LRFN5: variants seen among roughly 807,000 people sequenced by gnomAD.
The protein encoded by LRFN5 is leucine-rich repeat and fibronectin type-III domain-containing protein 5.
Under a neutral mutation model 45.6 loss-of-function variants are expected in LRFN5, and 24 were observed. The ratio of observed to expected loss-of-function variants is 0.53; its 90% CI spans 0.38 to 0.74. The LOEUF (loss-of-function observed/expected upper bound fraction) is 0.74, where lower values mean the gene tolerates loss of function less well. Ranked by LOEUF, LRFN5 falls within the 30% of genes least tolerant of loss-of-function variation. The probability of loss-of-function intolerance (pLI) is 0.00; values close to 1 mark genes in which losing one functional copy is unlikely to be tolerated. For missense variants in LRFN5, 776 were observed against 861.5 expected (o/e 0.90, Z 1.24); for synonymous variants, 340 against 313.8 (o/e 1.08, Z -0.88).
rs914212982 is a variant in LRFN5, at chr14:41,671,617, G to GTTTTTTTTTTTTTTTTTTTTTTTTT, written c.-197+63075_-197+63076insTTTTTTTTTTTTTTTTTTTTTTTTT. On this transcript the variant is annotated intron_variant, in intron 1 of 5. Transcript: ENST00000298119. The stretch of plus-strand genomic sequence containing the variant: ...TGTGGAGGAGAGATTTTTTTTTTTC[G>GTTTTTTTTTTTTTTTTTTTTTTTTT]TTTTTTTTTTTTTTTTTTTTACGGA... 9.7e-4 allele frequency among the ~76,000 whole-genome samples: 76 copies of GTTTTTTTTTTTTTTTTTTTTTTTTT among 78,018 alleles called. 9 individuals carry two copies. The highest frequency in any genetic ancestry group is 1.3e-3 in the East Asian group (3 of 2,292). The allele number at this position is 78,018 out of a possible 152,430, so 51.2% of individuals were successfully genotyped here. A position where few individuals can be genotyped will look rare whatever the true frequency, so the allele number is the denominator to read the frequency against.
In LRFN5 at chr14:41,727,605, G is replaced by A. The variant is rs142386448; in HGVS notation, c.-196-39249G>A. ...TCTGCCACTTCACTCCAACATAGAC[G>A]AAAGAGTGAGACCCTGTCTCTAAAA... On this transcript the variant is annotated intron_variant, in intron 1 of 5. Coordinates refer to ENST00000298119, the MANE Select transcript of LRFN5 (RefSeq NM_152447.5). 9.9e-3 allele frequency among the ~76,000 whole-genome samples: 1,504 copies of A among 152,024 alleles called. 8 individuals are homozygous for A. The highest frequency in any genetic ancestry group is 0.015 in the East Asian group (79 of 5,164).
chr14:41,897,601 G>C (rs1229532490), intron 4 of LRFN5, among the ~76,000 whole-genome samples: 1 of 151,954 alleles, frequency 6.6e-6, no homozygotes, highest in East Asian at 1.9e-4. Context: ...TGAAAACATA[G>C]ATTTAAATGG....
intron 1 of LRFN5, among the ~76,000 whole-genome samples, chr14:41,674,343 T>C (rs1594604303): frequency 1.1e-5 from 1 of 94,934 alleles, no homozygotes; most frequent in African/African-American, 4.3e-5. Flanking sequence ...CCCCCCCACC[T>C]CCCTCCCAGA....
chr14:41,887,654 C>T lies in LRFN5; in HGVS notation c.1029C>T (p.Asp343=). 1 of 1,614,190 alleles carries T rather than the reference C, an allele frequency of 6.2e-7. No homozygotes were observed. The highest frequency in any genetic ancestry group is 8.5e-7 in the Non-Finnish European group (1 of 1,180,026). Residue 343 remains aspartate, a synonymous_variant, in exon 3 of 6, where the codon GAC becomes GAT. Coordinates refer to ENST00000298119, the MANE Select transcript of LRFN5 (RefSeq NM_152447.5). This position sits in a 1 kb window ranked among gnomAD's most constrained non-coding sequence, Gnocchi z 4.8. ...RSLVYDNGTL[D]ILITTVKDTG... ...TGGTGTATGATAACGGAACACTTGA[C>T]ATTCTTATCACAACTGTAAAGGATA... is the stretch of plus-strand genomic sequence containing the variant.
chr14:41,746,097 T>C (rs1345938961), intron 1 of LRFN5, among the ~76,000 whole-genome samples: 1 of 152,036 alleles, frequency 6.6e-6, no homozygotes, highest in Non-Finnish European at 1.5e-5. Context: ...GATGTATAAA[T>C]TCTCAACAAA....
chr14:41,680,041 AG>A (rs1417724182), intron 1 of LRFN5, among the ~76,000 whole-genome samples: 1 of 152,098 alleles, frequency 6.6e-6, no homozygotes, highest in East Asian at 1.9e-4. Flanking sequence ...TGGACAGGGG[AG>A]GGAAGAGTTG....
At chr14:41,724,101 A>G (rs948142475) in intron 1 of LRFN5, among the ~76,000 whole-genome samples, 2 of 152,168 alleles carry the variant, frequency 1.3e-5, no homozygotes, top group East Asian at 3.9e-4. Flanking sequence ...CTGGGGCTAC[A>G]CTCACTTTTA....
At chr14:41,757,270 A>T (rs540715041) in intron 1 of LRFN5, among the ~76,000 whole-genome samples, 1 of 152,038 alleles carries the variant, frequency 6.6e-6, no homozygotes, top group South Asian at 2.1e-4. Context: ...GAGAACCACT[A>T]CTCTCTTCAA....
chr14:41,674,848 G>GGGT, intron 1 of LRFN5, among the ~76,000 whole-genome samples: 2 of 151,684 alleles, frequency 1.3e-5, no homozygotes, highest in African/African-American at 4.8e-5. Flanking sequence ...TTCTCAGACG[G>GGGT]GGCGGTTGCC....
chr14:41,812,306 G>T (rs1887763774), intron 2 of LRFN5, among the ~76,000 whole-genome samples: 1 of 151,802 alleles, frequency 6.6e-6, no homozygotes, highest in Non-Finnish European at 1.5e-5. Context: ...ATATTAAAAT[G>T]ATTTTTAACT....
intron 2 of LRFN5, among the ~76,000 whole-genome samples, chr14:41,821,145 T>C (rs1415040975): frequency 6.6e-6 from 1 of 151,928 alleles, no homozygotes; most frequent in Non-Finnish European, 1.5e-5. Context: ...TCCAGTACAA[T>C]GTATAATAGA....
At position 41,891,189 on chromosome 14, in the gene LRFN5, A is replaced by G. The variant is rs76076461; in HGVS notation, c.1386-61A>G. The G allele has an allele frequency of 1.0e-3, 1,327 of 1,300,348 alleles. 10 individuals are homozygous for G. In the African/African-American group the frequency reaches 0.018, roughly 18 times the overall value. The allele number at this position is 1,300,348 out of a possible 1,614,324, so 80.6% of individuals were successfully genotyped here. A position where few individuals can be genotyped will look rare whatever the true frequency, so the allele number is the denominator to read the frequency against. ...ATGACACTGAACTAAAGTCATAATG[A>G]CTTTCTGTGTATGTGTTTTGTTTTG... On this transcript the variant is annotated intron_variant, in intron 3 of 5. Transcript: ENST00000298119.
At chr14:41,702,993 T>C (rs1882901984) in intron 1 of LRFN5, among the ~76,000 whole-genome samples, 1 of 152,080 alleles carries the variant, frequency 6.6e-6, no homozygotes, top group African/African-American at 2.4e-5. Flanking sequence ...AATTCGAATG[T>C]GTGACAATTA....
intron 3 of LRFN5, among the ~76,000 whole-genome samples, chr14:41,890,958 T>A (rs115458821): frequency 1.2e-4 from 19 of 152,260 alleles, no homozygotes; most frequent in African/African-American, 4.3e-4. Context: ...AAGTAATTTG[T>A]CATCAATGTT....
At chr14:41,772,966 A>C (rs1418829815) in intron 2 of LRFN5, among the ~76,000 whole-genome samples, 1 of 152,130 alleles carries the variant, frequency 6.6e-6, no homozygotes, top group Non-Finnish European at 1.5e-5. Flanking sequence ...GAGCCTCCTA[A>C]ATTATTTACA....
chr14:41,830,596 G>A (rs1888444093), intron 2 of LRFN5, among the ~76,000 whole-genome samples: 1 of 152,134 alleles, frequency 6.6e-6, no homozygotes. Context: ...ATGAATTATA[G>A]GAGATGAAGT....
intron 2 of LRFN5, among the ~76,000 whole-genome samples, chr14:41,860,989 C>A (rs1566489151): frequency 6.6e-6 from 1 of 152,210 alleles, no homozygotes; most frequent in African/African-American, 2.4e-5. Context: ...TAATTCTGCT[C>A]AGAGTCCAGT....
intron 2 of LRFN5, among the ~76,000 whole-genome samples, chr14:41,870,032 A>G (rs1889965987): frequency 6.6e-6 from 1 of 152,138 alleles, no homozygotes; most frequent in African/African-American, 2.4e-5. Context: ...AACAGTACAC[A>G]TGTATTATCT....
At chr14:41,798,504 T>C (rs1887211675) in intron 2 of LRFN5, among the ~76,000 whole-genome samples, 1 of 151,996 alleles carries the variant, frequency 6.6e-6, no homozygotes, top group Non-Finnish European at 1.5e-5. Flanking sequence ...TAGGCAAAAT[T>C]CCTGCTCTTA....
Sources: allele counts gnomAD v4.1 joint callset (sites outside exome capture counted in the v4.1 genomes callset), GRCh38; gene constraint gnomAD v4.1.1; non-coding constraint Gnocchi (gnomAD v3.1); transcripts MANE v1.5; gene names NCBI Gene and HGNC (gene_info 2026-07-23, HGNC 2026-07-21).